SCN9A: variants seen among roughly 807,000 people sequenced by gnomAD.
SCN9A encodes sodium voltage-gated channel alpha subunit 9, also known as sodium channel protein type 9 subunit alpha.
SCN9A carries 131 observed loss-of-function variants against 187.0 expected under a neutral mutation model. The ratio of observed to expected loss-of-function variants is 0.70; its 90% CI spans 0.61 to 0.81. The LOEUF (loss-of-function observed/expected upper bound fraction) is 0.81, where lower values mean the gene tolerates loss of function less well. Among genes scored for constraint, SCN9A ranks in the 30% least tolerant of loss-of-function variants. The probability of loss-of-function intolerance (pLI) is 0.00; values close to 1 mark genes in which losing one functional copy is unlikely to be tolerated. For missense variants in SCN9A, 2,252 were observed against 2,396.6 expected (o/e 0.94, Z 1.26); for synonymous variants, 809 against 808.6 (o/e 1.00, Z -0.01).
chr2:166,290,305 T>C (rs1029993106), intron 9 of SCN9A, among the ~76,000 whole-genome samples: 4 of 152,216 alleles, frequency 2.6e-5, no homozygotes, highest in Non-Finnish European at 5.9e-5. Flanking sequence ...ATTTTCTTTA[T>C]ACAATTTAAC....
intron 14 of SCN9A, among the ~76,000 whole-genome samples, chr2:166,279,204 A>T (rs568229163): frequency 2.0e-5 from 3 of 152,288 alleles, no homozygotes; most frequent in African/African-American, 7.2e-5. Context: ...GATAAATAGA[A>T]GGGAAGAAGA....
intron 24 of SCN9A, among the ~76,000 whole-genome samples, chr2:166,221,062 A>G (rs541379151): frequency 3.3e-5 from 5 of 152,214 alleles, no homozygotes; most frequent in Non-Finnish European, 7.3e-5. Flanking sequence ...CCCATTTATG[A>G]TAACATCAAA....
At chr2:166,206,515 G>T (rs760183232) in intron 24 of SCN9A, among the ~76,000 whole-genome samples, 3 of 152,088 alleles carry the variant, frequency 2.0e-5, no homozygotes, top group Admixed American at 1.3e-4. Flanking sequence ...GGGCAGTTAG[G>T]GGGTTGGGAG....
chr2:166,346,850 G>A (rs981885310), intron 1 of SCN9A, among the ~76,000 whole-genome samples: 7 of 152,214 alleles, frequency 4.6e-5, no homozygotes, highest in African/African-American at 1.4e-4. Flanking sequence ...AAAGCCAGGA[G>A]AGGAACATCA....
intron 1 of SCN9A, among the ~76,000 whole-genome samples, chr2:166,345,858 T>C (rs1241039235): frequency 6.6e-6 from 1 of 152,194 alleles, no homozygotes; most frequent in Non-Finnish European, 1.5e-5. Context: ...GATAGAAGTT[T>C]ATCATGTTAG....
chr2:166,314,223 T>G (rs1484597086), intron 1 of SCN9A, among the ~76,000 whole-genome samples: 1 of 152,184 alleles, frequency 6.6e-6, no homozygotes, highest in Non-Finnish European at 1.5e-5. Flanking sequence ...GCTGACAGAC[T>G]TGCTTAATGC....
chr2:166,239,648 A>G lies in SCN9A; in HGVS notation c.3628-1381T>C, dbSNP rs547807066. Among the ~76,000 whole-genome samples the G allele has an allele frequency of 3.3e-5, 5 of 151,952 alleles. No homozygotes were observed. In the East Asian group the frequency reaches 9.7e-4, roughly 29 times the overall value. Reference sequence around the variant, plus strand: ...AGCCCTCAGGATTTTCCTCCCCTCCACTCCACCCCCAAATTCTGGAGGAAT... The same window carrying G: ...AGCCCTCAGGATTTTCCTCCCCTCCGCTCCACCCCCAAATTCTGGAGGAAT... On this transcript the variant is annotated intron_variant, in intron 19 of 26. Coordinates refer to ENST00000642356, the MANE Select transcript of SCN9A (RefSeq NM_001365536.1).
chr2:166,294,570 A>T, intron 8 of SCN9A, 29 bp downstream of exon 8: 1 of 1,549,864 alleles, frequency 6.5e-7, no homozygotes, highest in Non-Finnish European at 8.9e-7. Context: ...TTCAGCCTTT[A>T]GACTAAAAAG....
In SCN9A at chr2:166,200,784, C is replaced by T. The variant is rs538590505; in HGVS notation, c.4775-920G>A. 1.5e-3 allele frequency among the ~76,000 whole-genome samples: 230 copies of T among 152,222 alleles called. 1 individual carries two copies. The highest frequency in any genetic ancestry group is 5.0e-3 in the African/African-American group (207 of 41,536). ...CAGAGTAGCTGGGACTACAGGCATGCGCCACCACACCTGGTTAATTTTTGT... is the reference window on the plus strand; with the variant it reads ...CAGAGTAGCTGGGACTACAGGCATGTGCCACCACACCTGGTTAATTTTTGT... On this transcript the variant is annotated intron_variant, in intron 26 of 26. Transcript: ENST00000642356.
At chr2:166,222,962 A>AAAAAAAAAAAAAAAAAAAAAAAC (rs1694680886) in intron 24 of SCN9A, among the ~76,000 whole-genome samples, 2 of 147,472 alleles carry the variant, frequency 1.4e-5, no homozygotes, top group Non-Finnish European at 3.0e-5. Flanking sequence ...AAAAAAAAAA[A>AAAAAAAAAAAAAAAAAAAAAAAC]AAAAAAAAAA....
At chr2:166,366,225 T>C (rs990514756) in intron 1 of SCN9A, among the ~76,000 whole-genome samples, 3 of 152,070 alleles carry the variant, frequency 2.0e-5, no homozygotes, top group Non-Finnish European at 4.4e-5. Context: ...TTTAACTTTG[T>C]TTTTTCTTAT....
intron 1 of SCN9A, among the ~76,000 whole-genome samples, chr2:166,324,172 A>G (rs1220791109): frequency 3.3e-5 from 5 of 151,874 alleles, no homozygotes; most frequent in Non-Finnish European, 7.4e-5. Context: ...GGGCGCCTGC[A>G]ATCTCAGCTA....
In SCN9A at chr2:166,195,744, C is replaced by T. The variant is rs199559478; in HGVS notation, c.*2928G>A. On this transcript the variant is annotated 3_prime_UTR_variant, in exon 27 of 27. Transcript: ENST00000642356. ...AAAATTAGGTTCTCTAATTTTCATCCGAAAGATTTGTGTTCAAACCTGTTT... is the reference window on the plus strand; with the variant it reads ...AAAATTAGGTTCTCTAATTTTCATCTGAAAGATTTGTGTTCAAACCTGTTT... 74 of 152,068 alleles carry T rather than the reference C, an allele frequency of 4.9e-4. No homozygotes were observed. Among genetic ancestry groups the T allele is most frequent in the Admixed American group, 3.8e-3 (58 of 15,250 alleles). The allele number at this position is 152,068 out of a possible 1,614,324, so 9.4% of individuals were successfully genotyped here. A position where few individuals can be genotyped will look rare whatever the true frequency, so the allele number is the denominator to read the frequency against.
chr2:166,304,147 C>G, intron 6 of SCN9A, 91 bp downstream of exon 6: 1 of 1,612,706 alleles, frequency 6.2e-7, no homozygotes, highest in Non-Finnish European at 8.5e-7. Flanking sequence ...TTTATACACA[C>G]AGTGACGACA....
In SCN9A at chr2:166,226,591, A is replaced by G. The variant is rs377074273; in HGVS notation, c.4374T>C (p.Asp1458=). 10 of 1,573,312 alleles carry G rather than the reference A, an allele frequency of 6.4e-6. No individual in the cohort carries two copies. In the African/African-American group the frequency reaches 8.1e-5, roughly 13 times the overall value. The change falls in exon 24 of 27, where the codon GAT becomes GAC. Residue 1458 remains aspartate, a synonymous_variant. Coordinates refer to ENST00000642356, the MANE Select transcript of SCN9A (RefSeq NM_001365536.1). The part of the protein sequence containing the change: ...TLNLFIGVII[D]NFNQQKKKLG... The stretch of plus-strand genomic sequence containing the variant: ...TCTTCTTTTTCTGTTGGTTGAAATT[A>G]TCTATGATGACACCAATGAACAAGT...
intron 17 of SCN9A, among the ~76,000 whole-genome samples, chr2:166,267,301 A>G (rs1696782969): frequency 2.6e-5 from 4 of 151,978 alleles, no homozygotes; most frequent in Admixed American, 6.6e-5. Context: ...TTCTCTGTCT[A>G]TTGAGATGAT....
intron 14 of SCN9A, among the ~76,000 whole-genome samples, chr2:166,279,597 G>T (rs1697385988): frequency 6.6e-6 from 1 of 152,154 alleles, no homozygotes; most frequent in Admixed American, 6.6e-5. Flanking sequence ...CTATCCTTGA[G>T]TCTTCTATGT....
At chr2:166,303,446 T>C (rs1559027963) in intron 6 of SCN9A, 144 bp from the exon 7 acceptor site, 12 of 623,928 alleles carry the variant, frequency 1.9e-5, no homozygotes, top group Middle Eastern at 8.8e-4. Context: ...CTGGGTTTGC[T>C]ATTTTATATA....
Position 166,198,659 on chromosome 2 carries a change from C to A in SCN9A, c.*13G>T. The A allele has an allele frequency of 1.3e-6, 2 of 1,551,494 alleles. No homozygotes were observed. The highest frequency in any genetic ancestry group is 1.2e-5 in the South Asian group (1 of 82,972). ...CTTTCACAGGCTGTAAACAATATAT[C>A]AAAAATGAAGCTCTATTTTTTGCTT... is the stretch of plus-strand genomic sequence containing the variant. On this transcript the variant is annotated 3_prime_UTR_variant, in exon 27 of 27. Coordinates refer to ENST00000642356, the MANE Select transcript of SCN9A (RefSeq NM_001365536.1).
Sources: gnomAD v4.1 joint callset for allele counts (sites outside exome capture counted in the v4.1 genomes callset) on GRCh38, gnomAD v4.1.1 for gene constraint, MANE v1.5 for transcripts, NCBI Gene and HGNC (gene_info 2026-07-23, HGNC 2026-07-21) for gene names.